CDKN2B-AS1: variants seen among roughly 807,000 people sequenced by gnomAD.
The protein encoded by CDKN2B-AS1 is CDKN2B and CDKN2A antisense cis and trans regulatory RNA 1.
At chr9:22,026,027 G>C (rs943376901) in intron 1 of CDKN2B-AS1, among the ~76,000 whole-genome samples, 4 of 152,062 alleles carry the variant, frequency 2.6e-5, no homozygotes, top group African/African-American at 9.7e-5. Flanking sequence ...CACCAGTTGG[G>C]GTAGCCGGGG....
At chr9:22,108,454 C>T (rs181488538) in intron 4 of CDKN2B-AS1, among the ~76,000 whole-genome samples, 97 of 152,206 alleles carry the variant, frequency 6.4e-4, no homozygotes, top group Admixed American at 9.2e-4. Context: ...TAAATGGTTA[C>T]GACTCTGCCT....
chr9:22,026,788 G>A (rs941516357), intron 1 of CDKN2B-AS1, among the ~76,000 whole-genome samples: 1 of 152,170 alleles, frequency 6.6e-6, no homozygotes, highest in Non-Finnish European at 1.5e-5. Context: ...CTCCATGCAT[G>A]CCTGAGTGGC....
At chr9:22,121,049 C>T (rs992229097) in intron 4 of CDKN2B-AS1, 4 of 152,062 alleles carry the variant, frequency 2.6e-5, no homozygotes, top group Non-Finnish European at 5.9e-5. Context: ...AACAACTATG[C>T]TATATACATA....
chr9:22,102,078 A>T (rs917838714), intron 4 of CDKN2B-AS1, among the ~76,000 whole-genome samples: 1 of 152,166 alleles, frequency 6.6e-6, no homozygotes, highest in Non-Finnish European at 1.5e-5. Context: ...CCAACACTTA[A>T]AATGCAGGGA....
At chr9:22,092,489 C>T (rs982678115) in intron 4 of CDKN2B-AS1, 1 of 152,096 alleles carries the variant, frequency 6.6e-6, no homozygotes, top group African/African-American at 2.4e-5. Context: ...TAATTATTGC[C>T]TCAATTTTAG....
At chr9:22,113,000 A>G (rs1825840674) in intron 4 of CDKN2B-AS1, among the ~76,000 whole-genome samples, 1 of 152,202 alleles carries the variant, frequency 6.6e-6, no homozygotes, top group Admixed American at 6.5e-5. Context: ...ATGTGATAAA[A>G]ATAGTGACGA....
At chr9:22,122,653 G>C (rs1284622391) in intron 4 of CDKN2B-AS1, among the ~76,000 whole-genome samples, 3 of 152,070 alleles carry the variant, frequency 2.0e-5, no homozygotes, top group Non-Finnish European at 4.4e-5. Context: ...TGAGGAGACT[G>C]TCCTTTACCC....
chr9:22,109,566 C>A (rs1447356744), intron 4 of CDKN2B-AS1, among the ~76,000 whole-genome samples: 2 of 152,102 alleles, frequency 1.3e-5, no homozygotes, highest in Non-Finnish European at 1.5e-5. Flanking sequence ...GGTTCAAGAG[C>A]TGAATAAGTA....
chr9:22,071,302 T>C (rs1824282516), intron 4 of CDKN2B-AS1, among the ~76,000 whole-genome samples: 1 of 139,652 alleles, frequency 7.2e-6, no homozygotes, highest in East Asian at 2.0e-4. Flanking sequence ...TTTTTTTTTT[T>C]TTTTTTTTTT....
chr9:22,065,188 C>A (rs1389903119), intron 4 of CDKN2B-AS1, among the ~76,000 whole-genome samples: 1 of 152,176 alleles, frequency 6.6e-6, no homozygotes, highest in Non-Finnish European at 1.5e-5. Context: ...GCACTTCTCC[C>A]GTCCAGAAGT....
intron 4 of CDKN2B-AS1, among the ~76,000 whole-genome samples, chr9:22,077,490 A>C (rs1367043642): frequency 6.6e-6 from 1 of 152,244 alleles, no homozygotes; most frequent in Non-Finnish European, 1.5e-5. Context: ...TGAATTAAAT[A>C]TCAGTTTATC....
intron 4 of CDKN2B-AS1, among the ~76,000 whole-genome samples, chr9:22,069,385 G>C (rs887813502): frequency 6.6e-6 from 1 of 152,040 alleles, no homozygotes; most frequent in African/African-American, 2.4e-5. Context: ...ATATAGATTA[G>C]TGACAAAATT....
chr9:22,078,617 A>G (rs192438559), intron 4 of CDKN2B-AS1, among the ~76,000 whole-genome samples: 17 of 152,274 alleles, frequency 1.1e-4, no homozygotes, highest in Admixed American at 1.1e-3. Flanking sequence ...AAAATGCTAA[A>G]TTCTGATTCA....
chr9:21,997,727 A>G lies in CDKN2B-AS1; in HGVS notation n.29+2566A>G, dbSNP rs149890226. Among the ~76,000 whole-genome samples, 724 of 152,190 alleles carry G rather than the reference A, an allele frequency of 4.8e-3. 1 individual carries two copies. Among genetic ancestry groups the G allele is most frequent in the Non-Finnish European group, 6.9e-3 (472 of 67,998 alleles). On this transcript the variant is annotated intron_variant and non_coding_transcript_variant, in intron 1 of 4. Coordinates refer to ENST00000650946, the Ensembl canonical transcript of CDKN2B-AS1. The surrounding 1 kb of genome is among the most constrained non-coding windows in gnomAD (Gnocchi z 4.8). ...TTATTGAGGATAATCTGCTTTTTCA[A>G]GTCTACTGACTTAAATGTTAATCAT...
intron 1 of CDKN2B-AS1, among the ~76,000 whole-genome samples, chr9:22,045,245 G>A (rs1197715282): frequency 6.6e-6 from 1 of 151,858 alleles, no homozygotes; most frequent in Non-Finnish European, 1.5e-5. Context: ...CCTGTTGAGT[G>A]TTTATTATAT....
At chr9:22,113,009 G>A (rs1273849161) in intron 4 of CDKN2B-AS1, among the ~76,000 whole-genome samples, 3 of 152,158 alleles carry the variant, frequency 2.0e-5, no homozygotes, top group Admixed American at 6.5e-5. Context: ...AAATAGTGAC[G>A]AAGTGAGAAA....
At chr9:22,036,804 T>C (rs2131257169) in intron 1 of CDKN2B-AS1, among the ~76,000 whole-genome samples, 1 of 152,238 alleles carries the variant, frequency 6.6e-6, no homozygotes, top group Non-Finnish European at 1.5e-5. Flanking sequence ...ATATCTACTT[T>C]GTGCCTCTTT....
At chr9:22,108,105 T>A (rs1019273363) in intron 4 of CDKN2B-AS1, among the ~76,000 whole-genome samples, 4 of 152,236 alleles carry the variant, frequency 2.6e-5, no homozygotes, top group African/African-American at 9.6e-5. Context: ...TTTTTTGTTA[T>A]ATATTAGTTT....
chr9:22,127,933 G>C (rs894203128), exon 5 of CDKN2B-AS1, among the ~76,000 whole-genome samples: 1 of 152,132 alleles, frequency 6.6e-6, no homozygotes, highest in African/African-American at 2.4e-5. Context: ...AGACAACTGG[G>C]TGCATAAAAA....
Sources: allele counts gnomAD v4.1 joint callset (sites outside exome capture counted in the v4.1 genomes callset), GRCh38; gene constraint gnomAD v4.1.1; non-coding constraint Gnocchi (gnomAD v3.1); transcripts MANE v1.5; gene names NCBI Gene and HGNC (gene_info 2026-07-23, HGNC 2026-07-21).